The following LRP1B variants were observed in gnomAD, a reference collection of about 807,000 sequenced individuals.
LRP1B encodes LDL receptor related protein 1B, also known as low-density lipoprotein receptor-related protein 1B.
Under a neutral mutation model 556.6 loss-of-function variants are expected in LRP1B, and 217 were observed. That is an observed-to-expected ratio of 0.39 (90% CI 0.35 to 0.44). The LOEUF (loss-of-function observed/expected upper bound fraction) is 0.44, where lower values mean the gene tolerates loss of function less well. Ranked by LOEUF, LRP1B falls within the 20% of genes least tolerant of loss-of-function variation. The pLI is 1.00. For missense variants in LRP1B, 5,053 were observed against 5,620.8 expected (o/e 0.90, Z 3.23); for synonymous variants, 2,047 against 1,865.8 (o/e 1.10, Z -2.50).
At chr2:140,450,510 A>G in intron 63 of LRP1B, 58 bp downstream of exon 63, 1 of 1,293,764 alleles carries the variant, frequency 7.7e-7, no homozygotes, top group Non-Finnish European at 1.1e-6. Flanking sequence ...TCAATTTTCC[A>G]GGTCTGGGAT....
chr2:140,999,116 G>T (rs2105365687), intron 15 of LRP1B, among the ~76,000 whole-genome samples: 1 of 152,012 alleles, frequency 6.6e-6, no homozygotes, highest in African/African-American at 2.4e-5. Flanking sequence ...TAAATAAAAA[G>T]GAACTGAAAT....
intron 41 of LRP1B, among the ~76,000 whole-genome samples, chr2:140,661,735 T>C (rs1685101468): frequency 6.6e-6 from 1 of 152,204 alleles, no homozygotes; most frequent in Admixed American, 6.5e-5. Flanking sequence ...TCTGGACTAA[T>C]TGTCCTCTGG....
chr2:140,891,329 A>T (rs1159902387), intron 23 of LRP1B, among the ~76,000 whole-genome samples: 3 of 152,146 alleles, frequency 2.0e-5, no homozygotes, highest in Non-Finnish European at 4.4e-5. Flanking sequence ...GCAGCAGATG[A>T]GTTGCCTAGG....
chr2:140,567,113 C>A (rs545535199), intron 43 of LRP1B, among the ~76,000 whole-genome samples: 5 of 152,250 alleles, frequency 3.3e-5, no homozygotes, highest in African/African-American at 4.8e-5. Flanking sequence ...CCCCATAAGA[C>A]AAACAACTCT....
chr2:141,163,416 A>G (rs181641204), intron 7 of LRP1B, among the ~76,000 whole-genome samples: 1 of 152,088 alleles, frequency 6.6e-6, no homozygotes, highest in Non-Finnish European at 1.5e-5. Context: ...CTGACTGATG[A>G]TCATTTAGAC....
chr2:140,305,438 C>A (rs1171316489), intron 83 of LRP1B, among the ~76,000 whole-genome samples: 4 of 152,072 alleles, frequency 2.6e-5, no homozygotes, highest in African/African-American at 7.2e-5. Context: ...GGAGTTCACT[C>A]ATGATTTGGC....
intron 52 of LRP1B, among the ~76,000 whole-genome samples, chr2:140,508,764 A>T (rs1689523991): frequency 6.6e-6 from 1 of 152,192 alleles, no homozygotes; most frequent in Non-Finnish European, 1.5e-5. Context: ...AATTTGCTGC[A>T]TTTTAACGGA....
chr2:141,480,302 G>T (rs2105089307), intron 3 of LRP1B, 94 bp downstream of exon 3: 15 of 1,331,818 alleles, frequency 1.1e-5, no homozygotes, highest in Non-Finnish European at 1.6e-5. Context: ...TATGCTTGTA[G>T]TTGAAAGAAA....
chr2:141,096,279 A>G (rs1236888358), intron 7 of LRP1B, among the ~76,000 whole-genome samples: 1 of 151,970 alleles, frequency 6.6e-6, no homozygotes, highest in Admixed American at 6.6e-5. Context: ...TTCCCTTTCA[A>G]AAACCTTTTA....
chr2:141,063,615 C>T (rs1284383063), intron 7 of LRP1B, among the ~76,000 whole-genome samples: 2 of 151,710 alleles, frequency 1.3e-5, no homozygotes, highest in South Asian at 2.1e-4. Flanking sequence ...GGTATGCACG[C>T]GTTCCCTCTC....
chr2:141,062,413 A>G (rs1699360859), intron 7 of LRP1B, 140 bp from the exon 8 acceptor site: 1 of 602,308 alleles, frequency 1.7e-6, no homozygotes. Flanking sequence ...CCATTTCCTT[A>G]TAATATCACT....
chr2:141,403,395 CA>C (rs1690516697), intron 3 of LRP1B, among the ~76,000 whole-genome samples: 1 of 151,942 alleles, frequency 6.6e-6, no homozygotes, highest in East Asian at 1.9e-4. Flanking sequence ...TTTAAGTTTA[CA>C]AAAAACTCAA....
intron 2 of LRP1B, among the ~76,000 whole-genome samples, chr2:141,581,076 G>C (rs903820512): frequency 1.3e-5 from 2 of 152,226 alleles, no homozygotes; most frequent in African/African-American, 2.4e-5. Flanking sequence ...ATCATGGATT[G>C]TATGCTGTTC....
At chr2:141,618,744 C>A (rs1688400011) in intron 2 of LRP1B, among the ~76,000 whole-genome samples, 1 of 152,266 alleles carries the variant, frequency 6.6e-6, no homozygotes, top group Admixed American at 6.5e-5. Context: ...ATCCTCCTGT[C>A]CTTAGTCTCT....
At chr2:141,039,709 G>A (rs906085278) in intron 11 of LRP1B, among the ~76,000 whole-genome samples, 1 of 152,030 alleles carries the variant, frequency 6.6e-6, no homozygotes, top group Non-Finnish European at 1.5e-5. Flanking sequence ...ATAAAGGAAA[G>A]GATGTCTTCT....
At chr2:141,415,064 A>G (rs775229056) in intron 3 of LRP1B, among the ~76,000 whole-genome samples, 10 of 152,216 alleles carry the variant, frequency 6.6e-5, no homozygotes, top group Admixed American at 3.3e-4. Context: ...ACCCAGGCTG[A>G]AGTGCAGTGG....
intron 3 of LRP1B, among the ~76,000 whole-genome samples, chr2:141,317,240 C>T (rs370571705): frequency 6.6e-6 from 1 of 152,094 alleles, no homozygotes; most frequent in Non-Finnish European, 1.5e-5. Context: ...GTTGCCATAA[C>T]AAAATACCAC....
intron 7 of LRP1B, among the ~76,000 whole-genome samples, chr2:141,066,952 T>C (rs191818967): frequency 6.2e-4 from 94 of 152,076 alleles, no homozygotes; most frequent in Non-Finnish European, 1.1e-3. Flanking sequence ...ACCCTCCATG[T>C]TTATTAATTT....
At position 140,525,892 on chromosome 2, in the gene LRP1B, C is replaced by T. The variant is rs1227215052; in HGVS notation, c.7978G>A (p.Asp2660Asn). 2.5e-6 allele frequency: 4 copies of T among 1,612,194 alleles called. No individual in the cohort carries two copies. The highest frequency in any genetic ancestry group is 1.7e-5 in the Admixed American group (1 of 59,770). ...SLCVLPTWIC[D>N]GSNDCGDYSD... is the part of the protein sequence containing the mutation. ...TAGTCTCCACAGTCATTAGACCCGT[C>T]GCATATCCAGGTTGGCAGAACACAC... Residue 2660 changes from aspartate to asparagine, a missense_variant, in exon 49 of 91, where the codon GAC (aspartate) becomes AAC (asparagine). Transcript: ENST00000389484.
Sources: gnomAD v4.1 joint callset for allele counts (sites outside exome capture counted in the v4.1 genomes callset) on GRCh38, gnomAD v4.1.1 for gene constraint, MANE v1.5 for transcripts, NCBI Gene and HGNC (gene_info 2026-07-23, HGNC 2026-07-21) for gene names.